INPP1: variants seen among roughly 807,000 people sequenced by gnomAD.
The protein encoded by INPP1 is inositol polyphosphate-1-phosphatase, also known as inositol polyphosphate 1-phosphatase.
Under a neutral mutation model 23.0 loss-of-function variants are expected in INPP1, and 18 were observed. That is an observed-to-expected ratio of 0.78 (90% CI 0.54 to 1.16). The LOEUF (loss-of-function observed/expected upper bound fraction) is 1.16. INPP1 is among the 50% of genes most tolerant of loss of function. INPP1 has a pLI of 0.00. For synonymous variants in INPP1, 164 were observed against 176.3 expected, an observed-to-expected ratio of 0.93 and a Z score of 0.55; for missense variants, 448 against 482.1, an observed-to-expected ratio of 0.93 and a Z score of 0.66.
intron 1 of INPP1, among the ~76,000 whole-genome samples, chr2:190,347,420 A>G (rs1463394654): frequency 1.3e-5 from 2 of 152,184 alleles, no homozygotes; most frequent in African/African-American, 2.4e-5. Flanking sequence ...TTAAAGAAAT[A>G]GAATATTAAA....
chr2:190,348,418 T>C (rs1689264702), intron 1 of INPP1, among the ~76,000 whole-genome samples: 3 of 152,228 alleles, frequency 2.0e-5, no homozygotes, highest in Admixed American at 1.3e-4. Flanking sequence ...TTTACCATTT[T>C]AACCGTTTTC....
chr2:190,360,771 G>C (rs1689519938), intron 3 of INPP1, among the ~76,000 whole-genome samples: 1 of 134,622 alleles, frequency 7.4e-6, no homozygotes, highest in Admixed American at 7.3e-5. Flanking sequence ...AGAGCACACT[G>C]CTTTGTAACC....
chr2:190,366,255 CTGTCTCTT>C (rs1689663401), intron 4 of INPP1, among the ~76,000 whole-genome samples: 1 of 142,304 alleles, frequency 7.0e-6, no homozygotes. Context: ...CTCTTTCCCT[CTGTCTCTT>C]TCACTCTTCC....
chr2:190,370,613 T>C (rs1478737275), intron 6 of INPP1, among the ~76,000 whole-genome samples: 1 of 152,220 alleles, frequency 6.6e-6, no homozygotes, highest in Admixed American at 6.5e-5. Context: ...GATGTGATAA[T>C]GCCATAAAAT....
Position 190,362,695 on chromosome 2 carries a change from T to C in INPP1, c.265+8T>C, listed in dbSNP as rs781254662. Reference sequence around the variant, plus strand: ...AGTTTACTAATGACTGGGGTAAGTATAAGAATCTTAATGTGTCTTTGTAAT... The same window carrying C: ...AGTTTACTAATGACTGGGGTAAGTACAAGAATCTTAATGTGTCTTTGTAAT... On this transcript the variant is annotated splice_region_variant and intron_variant, in intron 4 of 6. Coordinates refer to ENST00000392329, the MANE Select transcript of INPP1 (RefSeq NM_001128928.2). 2.6e-6 allele frequency: 4 copies of C among 1,532,904 alleles called. No homozygotes were observed. Among genetic ancestry groups the C allele is most frequent in the Non-Finnish European group, 3.6e-6 (4 of 1,112,128 alleles). 95.0% of individuals were successfully genotyped at this position (1,532,904 alleles called of 1,614,324 possible).
intron 3 of INPP1, among the ~76,000 whole-genome samples, 177 bp from the exon 4 acceptor site, chr2:190,362,450 G>T (rs1689552998): frequency 6.6e-6 from 1 of 152,166 alleles, no homozygotes; most frequent in South Asian, 2.1e-4. Flanking sequence ...AGAAAATTAA[G>T]CACTGAGCCA....
chr2:190,358,164 C>G (rs1018165712), intron 2 of INPP1, among the ~76,000 whole-genome samples: 1 of 150,508 alleles, frequency 6.6e-6, no homozygotes, highest in Non-Finnish European at 1.5e-5. Flanking sequence ...ACTGCAACCT[C>G]CGCCTCCCAG....
In INPP1 at chr2:190,366,832, A is replaced by G. The variant is rs778168268; in HGVS notation, c.403A>G (p.Thr135Ala). ...VHQDVAFTDP[T>A]LDSTEINVPQ... Reference sequence around the variant, plus strand: ...TCAGGATGTTGCCTTTACTGACCCAACTCTGGATTCCACAGAGATCAATGT... The same window carrying G: ...TCAGGATGTTGCCTTTACTGACCCAGCTCTGGATTCCACAGAGATCAATGT... The change falls in exon 5 of 7, where the codon ACT becomes GCT. Residue 135 changes from threonine (T) to alanine (A), a missense_variant. Transcript: ENST00000392329. The G allele has an allele frequency of 2.5e-6, 4 of 1,613,770 alleles. No homozygotes were observed. Among genetic ancestry groups the G allele is most frequent in the Non-Finnish European group, 3.4e-6 (4 of 1,179,904 alleles).
chr2:190,358,927 G>A (rs1486534572), intron 2 of INPP1, among the ~76,000 whole-genome samples: 1 of 152,010 alleles, frequency 6.6e-6, no homozygotes, highest in Non-Finnish European at 1.5e-5. Context: ...TTTTTAACGG[G>A]GTGTGAGGAA....
In INPP1 at chr2:190,346,274, G is replaced by A. The variant is rs1009827569; in HGVS notation, c.-209+2313G>A. Among the ~76,000 whole-genome samples, 2 of 152,202 alleles carry A rather than the reference G, an allele frequency of 1.3e-5. No individual in the cohort carries two copies. Among genetic ancestry groups the A allele is most frequent in the African/African-American group, 2.4e-5 (1 of 41,450 alleles). On this transcript the variant is annotated intron_variant, in intron 1 of 6. Coordinates refer to ENST00000392329, the MANE Select transcript of INPP1 (RefSeq NM_001128928.2). This position sits in a 1 kb window ranked among gnomAD's most constrained non-coding sequence, Gnocchi z 5.1. ...ACAACAACAAAAAAGGTGAGTTTGG[G>A]AAATGCAGGTGGGAAATGACTATTG...
At chr2:190,366,995 T>A (rs1227706545) in intron 5 of INPP1, 100 bp downstream of exon 5, 4 of 724,238 alleles carry the variant, frequency 5.5e-6, no homozygotes, top group Non-Finnish European at 9.3e-6. Flanking sequence ...GAGTGTAGTT[T>A]AACTCTGCTA....
intron 3 of INPP1, 119 bp downstream of exon 3, chr2:190,360,425 G>A (rs1479790786): frequency 2.0e-5 from 15 of 737,670 alleles, no homozygotes; most frequent in Non-Finnish European, 3.0e-5. Flanking sequence ...TTGATTTCAA[G>A]TAAACATCTT....
intron 4 of INPP1, 90 bp from the exon 5 acceptor site, chr2:190,366,605 C>T (rs1158292874): frequency 2.2e-6 from 2 of 922,322 alleles, no homozygotes; most frequent in East Asian, 2.4e-5. Flanking sequence ...CTCGCTCTCT[C>T]TGTCTCTCTC....
chr2:190,348,008 C>G (rs576994272), intron 1 of INPP1, among the ~76,000 whole-genome samples: 2 of 152,098 alleles, frequency 1.3e-5, no homozygotes, highest in African/African-American at 4.8e-5. Context: ...TGTGGTAGCG[C>G]GTGCCTGTAA....
Position 190,369,159 on chromosome 2 carries a change from T to C in INPP1, c.523T>C (p.Phe175Leu). 1 of 1,608,020 alleles carries C rather than the reference T, an allele frequency of 6.2e-7. No individual in the cohort carries two copies. Residue 175 changes from phenylalanine to leucine, a missense_variant, in exon 6 of 7, where the codon TTC (phenylalanine) becomes CTC (leucine). Physicochemically the swap from Phe to Leu is conservative, Grantham distance 22. Coordinates refer to ENST00000392329, the MANE Select transcript of INPP1 (RefSeq NM_001128928.2). The part of the protein sequence containing the change: ...SADIKSNQGI[F>L]PCGLQCVTIL... ...TGACATTAAATCCAACCAGGGAATC[T>C]TCCCCTGTGGACTTCAGTGTGTCAC...
Position 190,367,654 on chromosome 2 carries a change from C to T in INPP1, c.466+759C>T, listed in dbSNP as rs1230963067. On this transcript the variant is annotated intron_variant, in intron 5 of 6. Coordinates refer to ENST00000392329, the MANE Select transcript of INPP1 (RefSeq NM_001128928.2). The surrounding 1 kb of genome is among the most constrained non-coding windows in gnomAD (Gnocchi z 4.1). ...GCAGCCTTGTCCTCCTGAGCTCAAG[C>T]AATCCTCCTATCTCAGCTTCCCAAG... Among the ~76,000 whole-genome samples, 3 of 152,152 alleles carry T rather than the reference C, an allele frequency of 2.0e-5. No individual in the cohort carries two copies. The highest frequency in any genetic ancestry group is 2.9e-5 in the Non-Finnish European group (2 of 68,038).
chr2:190,369,373 A>T, intron 6 of INPP1, 96 bp downstream of exon 6: 5 of 582,734 alleles, frequency 8.6e-6, no homozygotes, highest in South Asian at 3.7e-5. Context: ...CATTCCCATG[A>T]CTTAACACAT....
At chr2:190,357,823 G>A (rs1478801006) in intron 2 of INPP1, among the ~76,000 whole-genome samples, 1 of 152,166 alleles carries the variant, frequency 6.6e-6, no homozygotes, top group East Asian at 1.9e-4. Flanking sequence ...ACATCTCCAA[G>A]AGGGAATGTA....
chr2:190,371,271 A>G lies in INPP1; in HGVS notation c.1069A>G (p.Asn357Asp). 6.2e-7 allele frequency: 1 copy of G among 1,612,274 alleles called. No individual in the cohort carries two copies. Among genetic ancestry groups the G allele is most frequent in the Non-Finnish European group, 8.5e-7 (1 of 1,178,818 alleles). ...GCCACAGTTGGTGTACCACGTGGAA[A>G]ATGAGGGTGCTGCTGGGGTGGATCG... The part of the protein sequence containing the change: ...DLPQLVYHVE[N>D]EGAAGVDRWA... The change falls in exon 7 of 7, where the codon AAT (asparagine) becomes GAT (aspartate). Residue 357 changes from asparagine (N) to aspartate (D), a missense_variant. By Grantham distance (23) the Asn-to-Asp change is conservative (BLOSUM62 1). Coordinates refer to ENST00000392329, the MANE Select transcript of INPP1 (RefSeq NM_001128928.2). This position sits in a 1 kb window ranked among gnomAD's most constrained non-coding sequence, Gnocchi z 5.3.
Sources: allele counts gnomAD v4.1 joint callset (sites outside exome capture counted in the v4.1 genomes callset), GRCh38; gene constraint gnomAD v4.1.1; non-coding constraint Gnocchi (gnomAD v3.1); transcripts MANE v1.5; gene names NCBI Gene and HGNC (gene_info 2026-07-23, HGNC 2026-07-21).